The following CREBBP variants were observed in gnomAD, a reference collection of about 807,000 sequenced individuals.
The protein encoded by CREBBP is CREB binding lysine acetyltransferase.
CREBBP carries 19 observed loss-of-function variants against 265.0 expected under a neutral mutation model. The observed-to-expected ratio is 0.07, with a 90% CI of 0.05 to 0.11. CREBBP has a LOEUF of 0.11. CREBBP is among the 10% of genes least tolerant of loss of function. The pLI is 1.00. For missense variants in CREBBP, 2,525 were observed against 3,219.0 expected (o/e 0.78, Z 5.22); for synonymous variants, 1,457 against 1,223.7 (o/e 1.19, Z -3.98).
chr16:3,768,141 T>TTTTTTTG (rs1197364089), intron 15 of CREBBP, among the ~76,000 whole-genome samples: 3 of 95,870 alleles, frequency 3.1e-5, no homozygotes, highest in African/African-American at 1.2e-4. Context: ...AAAGTGTTTT[T>TTTTTTTG]TTTTTTTTTT....
intron 5 of CREBBP, among the ~76,000 whole-genome samples, chr16:3,786,811 C>T (rs2053397968): frequency 6.6e-6 from 1 of 152,122 alleles, no homozygotes; most frequent in African/African-American, 2.4e-5. Context: ...GTGGCTCACG[C>T]CTGTAATCCC....
intron 5 of CREBBP, chr16:3,784,435 G>C (rs1482916492): frequency 6.6e-6 from 1 of 152,176 alleles, no homozygotes. Context: ...GCTGAAGTAA[G>C]TCACGCACAA....
At chr16:3,755,404 G>A (rs766020235) in intron 19 of CREBBP, among the ~76,000 whole-genome samples, 6 of 152,178 alleles carry the variant, frequency 3.9e-5, no homozygotes, top group Non-Finnish European at 8.8e-5. Context: ...CAACGTAGCA[G>A]GGGTGGCATT....
In CREBBP at chr16:3,782,749, T is replaced by A; in HGVS notation, c.1508A>T (p.Gln503Leu). Residue 503 changes from glutamine to leucine, a missense_variant, in exon 6 of 31, where the codon CAG becomes CTG. Gln to Leu is a moderately radical substitution (Grantham distance 113, BLOSUM62 -2). This residue lies in a region of CREBBP where 144 missense variants were observed against 134.0 expected (regional missense o/e 1.07). Coordinates refer to ENST00000262367, the MANE Select transcript of CREBBP (RefSeq NM_004380.3). ...MNQPQTQLQP[Q>L]VPGQQPAQPQ... ...CTGTGCTGGTTGCTGGCCAGGAACCTGAGGCTGCAGCTGCGTCTGGGGCTG... is the reference window on the plus strand; with the variant it reads ...CTGTGCTGGTTGCTGGCCAGGAACCAGAGGCTGCAGCTGCGTCTGGGGCTG... 6.2e-7 allele frequency: 1 copy of A among 1,614,164 alleles called. No individual in the cohort carries two copies. Among genetic ancestry groups the A allele is most frequent in the Non-Finnish European group, 8.5e-7 (1 of 1,180,030 alleles).
In CREBBP at chr16:3,852,035, C is replaced by CAAAA. The variant is rs551018184; in HGVS notation, c.86-1030_86-1027dup. 9.7e-3 allele frequency among the ~76,000 whole-genome samples: 109 copies of CAAAA among 11,204 alleles called. 32 individuals carry two copies. The highest frequency in any genetic ancestry group is 0.014 in the Non-Finnish European group (80 of 5,676). The allele number at this position is 11,204 out of a possible 152,430, so 7.4% of individuals were successfully genotyped here. ...CCTGGGCAACAGCGAGACTCCATCT[C>CAAAA]AAAAAAAAAAAAAAAAAAAAAAAAA... On this transcript the variant is annotated intron_variant, in intron 1 of 30. Transcript: ENST00000262367.
Position 3,850,481 on chromosome 16 carries a change from T to C in CREBBP, c.614A>G (p.Gln205Arg), listed in dbSNP as rs2141491046. 1 of 1,614,246 alleles carries C rather than the reference T, an allele frequency of 6.2e-7. No homozygotes were observed. The highest frequency in any genetic ancestry group is 8.5e-7 in the Non-Finnish European group (1 of 1,180,046). ...HSLINQASQG[Q>R]AQVMNGSLGA... ...AAGAGATCCATTCATGACTTGCGCC[T>C]GCCCTTGTGAAGCCTGATTAATTAA... Residue 205 changes from glutamine to arginine, a missense_variant, in exon 2 of 31, where the codon CAG (glutamine) becomes CGG (arginine). By Grantham distance (43) the Gln-to-Arg change is conservative. Transcript: ENST00000262367.
In CREBBP at chr16:3,725,337, G is replaced by C. The variant is rs1175963649; in HGVS notation, c.*2381C>G. 8.6e-6 allele frequency: 2 copies of C among 233,104 alleles called. No individual in the cohort carries two copies. The highest frequency in any genetic ancestry group is 1.7e-5 in the Non-Finnish European group (2 of 118,024). 14.4% of individuals were successfully genotyped at this position (233,104 alleles called of 1,614,324 possible). On this transcript the variant is annotated 3_prime_UTR_variant, in exon 31 of 31. Coordinates refer to ENST00000262367, the MANE Select transcript of CREBBP (RefSeq NM_004380.3). ...GGATGAGGTTGGTACATAACGTTTTGAATTCCAGGATAACCTGAAACAGAG... is the reference window on the plus strand; with the variant it reads ...GGATGAGGTTGGTACATAACGTTTTCAATTCCAGGATAACCTGAAACAGAG...
At chr16:3,806,888 C>T (rs1473390128) in intron 3 of CREBBP, among the ~76,000 whole-genome samples, 2 of 152,152 alleles carry the variant, frequency 1.3e-5, no homozygotes, top group East Asian at 3.9e-4. Flanking sequence ...TGTCCCAATA[C>T]CCTGGGGTCT....
chr16:3,792,238 A>G, intron 4 of CREBBP, 144 bp from the exon 5 acceptor site: 1 of 770,116 alleles, frequency 1.3e-6, no homozygotes, highest in Non-Finnish European at 2.2e-6. Context: ...CAACTTACAA[A>G]CAGGCTGTTT....
In CREBBP at chr16:3,731,288, C is replaced by T. The variant is rs765221918; in HGVS notation, c.5076G>A (p.Leu1692=). 1.2e-6 allele frequency: 2 copies of T among 1,614,202 alleles called. No individual in the cohort carries two copies. The highest frequency in any genetic ancestry group is 2.2e-5 in the South Asian group (2 of 91,084). The change falls in exon 30 of 31, where the codon CTG becomes CTA. Residue 1692 remains leucine, a synonymous_variant. Coordinates refer to ENST00000262367, the MANE Select transcript of CREBBP (RefSeq NM_004380.3). The surrounding 1 kb of genome is among the most constrained non-coding windows in gnomAD (Gnocchi z 7.7). The part of the protein sequence containing the change: ...RRSKWSTLCM[L]VELHTQGQDR... ...CCTGGCCCTGGGTGTGCAGCTCCAC[C>T]AGCATGCAGAGCGTGGACCACTTGG...
intron 2 of CREBBP, among the ~76,000 whole-genome samples, chr16:3,843,387 C>T (rs1328193600): frequency 6.6e-6 from 1 of 150,390 alleles, no homozygotes; most frequent in East Asian, 1.9e-4. Flanking sequence ...CTAAAAGAGC[C>T]AATATTTATA....
At chr16:3,802,031 T>G (rs893322404) in intron 3 of CREBBP, among the ~76,000 whole-genome samples, 1 of 151,702 alleles carries the variant, frequency 6.6e-6, no homozygotes, top group African/African-American at 2.4e-5. Flanking sequence ...TATTACATAA[T>G]TGGCAGCCTC....
chr16:3,803,647 A>G (rs978932500), intron 3 of CREBBP, among the ~76,000 whole-genome samples: 3 of 152,158 alleles, frequency 2.0e-5, no homozygotes, highest in Non-Finnish European at 2.9e-5. Flanking sequence ...CCCAAGGCCA[A>G]GGCTCAGGGT....
chr16:3,771,904 G>A (rs1421752992), intron 13 of CREBBP, among the ~76,000 whole-genome samples: 2 of 151,000 alleles, frequency 1.3e-5, no homozygotes, highest in Admixed American at 6.6e-5. Context: ...TCCATCTCCC[G>A]GGTTCCAGTG....
At position 3,735,931 on chromosome 16, in the gene CREBBP, A is replaced by G. The variant is rs1939514632; in HGVS notation, c.4728+105T>C. 18 of 1,589,062 alleles carry G rather than the reference A, an allele frequency of 1.1e-5. 1 individual carries two copies. In the South Asian group the frequency reaches 1.9e-4, roughly 17 times the overall value. On this transcript the variant is annotated intron_variant, in intron 28 of 30. Transcript: ENST00000262367. ...TGTCGACGTGCATGTGTGAACGGAG[A>G]CACCACCACAGGAAGGACCTAACAG... is the stretch of plus-strand genomic sequence containing the variant.
intron 3 of CREBBP, among the ~76,000 whole-genome samples, chr16:3,804,345 G>GA (rs917121749): frequency 1.3e-5 from 2 of 152,002 alleles, no homozygotes; most frequent in African/African-American, 4.8e-5. Context: ...GGATTAGAGG[G>GA]AAAAAAAGGA....
At chr16:3,846,770 C>T (rs1247369202) in intron 2 of CREBBP, among the ~76,000 whole-genome samples, 2 of 152,114 alleles carry the variant, frequency 1.3e-5, no homozygotes, top group African/African-American at 4.8e-5. Context: ...ACACACATAC[C>T]CACACCCCTC....
intron 14 of CREBBP, 42 bp downstream of exon 14, chr16:3,770,528 T>TA (rs2052975158): frequency 6.2e-7 from 1 of 1,602,940 alleles, no homozygotes; most frequent in Non-Finnish European, 8.5e-7. Flanking sequence ...AATTATCTTC[T>TA]AAGAGTCTTG....
chr16:3,820,274 G>A (rs1358847264), intron 2 of CREBBP, among the ~76,000 whole-genome samples: 1 of 152,214 alleles, frequency 6.6e-6, no homozygotes, highest in Non-Finnish European at 1.5e-5. Flanking sequence ...TCACTCGCTT[G>A]CTCTTGGAAT....
Sources: allele counts gnomAD v4.1 joint callset (sites outside exome capture counted in the v4.1 genomes callset), GRCh38; gene constraint gnomAD v4.1.1; regional missense constraint gnomAD v4.1.1; non-coding constraint Gnocchi (gnomAD v3.1); transcripts MANE v1.5; gene names NCBI Gene and HGNC (gene_info 2026-07-23, HGNC 2026-07-21).